The following SGCD variants were observed in gnomAD, a reference collection of about 807,000 sequenced individuals.
SGCD encodes delta-sarcoglycan.
SGCD carries 18 observed loss-of-function variants against 36.6 expected under a neutral mutation model. The observed-to-expected ratio is 0.49, with a 90% CI of 0.34 to 0.73. The LOEUF (loss-of-function observed/expected upper bound fraction) is 0.73, where lower values mean the gene tolerates loss of function less well. Ranked by LOEUF, SGCD falls within the 30% of genes least tolerant of loss-of-function variation. SGCD has a pLI of 0.01. For missense variants in SGCD, 387 were observed against 346.7 expected (o/e 1.12, Z -0.92); for synonymous variants, 133 against 130.6 (o/e 1.02, Z -0.12).
chr5:156,386,341 A>G (rs1771277521), intron 3 of SGCD, among the ~76,000 whole-genome samples: 5 of 152,234 alleles, frequency 3.3e-5, no homozygotes, highest in Admixed American at 3.3e-4. Flanking sequence ...TTTAACATCC[A>G]TTAAAGTAGG....
At chr5:156,216,163 A>G (rs1764567272) in intron 3 of SGCD, among the ~76,000 whole-genome samples, 1 of 152,182 alleles carries the variant, frequency 6.6e-6, no homozygotes, top group Non-Finnish European at 1.5e-5. Flanking sequence ...GGTTATTAAG[A>G]GGCTGGGGAG....
chr5:156,193,458 A>G (rs532889183), intron 3 of SGCD, among the ~76,000 whole-genome samples: 4 of 152,288 alleles, frequency 2.6e-5, no homozygotes, highest in Admixed American at 2.0e-4. Context: ...AACCTCCAAA[A>G]GATGCTTGCA....
At chr5:156,455,485 C>T (rs545058329) in intron 3 of SGCD, among the ~76,000 whole-genome samples, 2 of 150,582 alleles carry the variant, frequency 1.3e-5, no homozygotes, top group Non-Finnish European at 2.9e-5. Context: ...GTACTCAGTA[C>T]TTTTCCACTC....
chr5:156,457,716 T>A (rs187582372), intron 3 of SGCD, among the ~76,000 whole-genome samples: 104 of 152,346 alleles, frequency 6.8e-4, no homozygotes, highest in Non-Finnish European at 7.9e-4. Context: ...CCGCTCATAG[T>A]AAGGACAGAA....
the SGCD span, among the ~76,000 whole-genome samples, chr5:155,791,345 C>A: frequency 5.3e-5 from 8 of 152,144 alleles, no homozygotes; most frequent in African/African-American, 1.9e-4. Flanking sequence ...CTCTCGAGAA[C>A]TGAAACAAAA....
chr5:156,476,245 C>G (rs1436533377), intron 3 of SGCD, among the ~76,000 whole-genome samples: 1 of 152,100 alleles, frequency 6.6e-6, no homozygotes, highest in Non-Finnish European at 1.5e-5. Flanking sequence ...TGGGGGTCTA[C>G]TTTTTAACCA....
intron 2 of SGCD, among the ~76,000 whole-genome samples, chr5:156,333,072 A>G (rs1438413747): frequency 2.0e-5 from 3 of 152,224 alleles, no homozygotes; most frequent in Admixed American, 2.0e-4. Flanking sequence ...GATTTAAAAA[A>G]TATGTAAAAT....
chr5:155,965,980 C>G (rs111707691), intron 1 of SGCD, among the ~76,000 whole-genome samples: 118 of 152,020 alleles, frequency 7.8e-4, no homozygotes, highest in Non-Finnish European at 2.1e-4. Context: ...AAAAATTTCC[C>G]TGCCTGATGC....
intron 6 of SGCD, among the ~76,000 whole-genome samples, chr5:156,632,267 G>C (rs1026406702): frequency 6.6e-6 from 1 of 152,112 alleles, no homozygotes; most frequent in Admixed American, 6.6e-5. Flanking sequence ...GGGCAGCCTA[G>C]ATCACATTCC....
At chr5:156,054,401 T>G (rs1234716125) in intron 1 of SGCD, among the ~76,000 whole-genome samples, 3 of 141,626 alleles carry the variant, frequency 2.1e-5, no homozygotes, top group Non-Finnish European at 4.7e-5. Context: ...TTCTCCTGCC[T>G]CAGCCTCCCA....
At chr5:156,063,583 A>G (rs1380723291) in intron 1 of SGCD, among the ~76,000 whole-genome samples, 1,369 of 99,744 alleles carry the variant, frequency 0.014, 127 homozygotes, top group Middle Eastern at 0.028. Context: ...ATGTTCTTCC[A>G]TTTGTTTGTC....
chr5:156,315,023 C>G (rs1384703655), intron 3 of SGCD, among the ~76,000 whole-genome samples: 2 of 151,956 alleles, frequency 1.3e-5, no homozygotes, highest in Non-Finnish European at 2.9e-5. Context: ...ATTAACATAG[C>G]CATTACCTCA....
chr5:156,152,049 GA>G (rs1437274426), intron 3 of SGCD, among the ~76,000 whole-genome samples: 1 of 151,214 alleles, frequency 6.6e-6, no homozygotes, highest in Non-Finnish European at 1.5e-5. Flanking sequence ...AAGTACATGG[GA>G]GATACTTTTT....
chr5:156,343,479 CTT>C (rs1269326930), intron 2 of SGCD, among the ~76,000 whole-genome samples: 1 of 152,032 alleles, frequency 6.6e-6, no homozygotes, highest in East Asian at 1.9e-4. Context: ...CTTTGTAGTA[CTT>C]TGTTATTTTC....
At chr5:156,038,745 T>C (rs1453636044) in intron 1 of SGCD, among the ~76,000 whole-genome samples, 1 of 152,210 alleles carries the variant, frequency 6.6e-6, no homozygotes, top group African/African-American at 2.4e-5. Context: ...ATAAACAGCC[T>C]TTCTTCCTTG....
At chr5:156,297,388 C>G (rs1262072786) in intron 3 of SGCD, among the ~76,000 whole-genome samples, 1 of 151,986 alleles carries the variant, frequency 6.6e-6, no homozygotes, top group Non-Finnish European at 1.5e-5. Context: ...GGAACCAACC[C>G]AAATGTCCAT....
At chr5:156,174,401 G>A (rs1163526158) in intron 3 of SGCD, among the ~76,000 whole-genome samples, 1 of 152,184 alleles carries the variant, frequency 6.6e-6, no homozygotes, top group Non-Finnish European at 1.5e-5. Context: ...AGTAGGTCAT[G>A]TGGCTGGAGC....
intron 5 of SGCD, among the ~76,000 whole-genome samples, chr5:156,594,652 T>A (rs951108033): frequency 2.0e-5 from 3 of 152,146 alleles, no homozygotes; most frequent in African/African-American, 7.2e-5. Context: ...GAAATCACAG[T>A]CAAGGATTAG....
chr5:156,707,014 C>T (rs555104106), intron 7 of SGCD, among the ~76,000 whole-genome samples: 1 of 152,216 alleles, frequency 6.6e-6, no homozygotes, highest in Non-Finnish European at 1.5e-5. Context: ...GGGGAAAGAA[C>T]AGAATAACAG....
Sources: allele counts gnomAD v4.1 joint callset (sites outside exome capture counted in the v4.1 genomes callset), GRCh38; gene constraint gnomAD v4.1.1; transcripts MANE v1.5; gene names NCBI Gene and HGNC (gene_info 2026-07-23, HGNC 2026-07-21).